The following CACNA2D4 variants were observed in gnomAD, a reference collection of about 807,000 sequenced individuals.
CACNA2D4 encodes the protein calcium voltage-gated channel auxiliary subunit alpha2delta 4, also known as voltage-dependent calcium channel subunit alpha-2/delta-4.
CACNA2D4 carries 157 observed loss-of-function variants against 163.8 expected under a neutral mutation model. The ratio of observed to expected loss-of-function variants is 0.96; its 90% CI spans 0.84 to 1.09. CACNA2D4 has a LOEUF of 1.09. Among genes scored for constraint, CACNA2D4 ranks in the 50% least tolerant of loss-of-function variants. The probability of loss-of-function intolerance (pLI) is 0.00; values close to 1 mark genes in which losing one functional copy is unlikely to be tolerated. For synonymous variants in CACNA2D4, 598 were observed against 586.9 expected (o/e 1.02, Z -0.27); for missense variants, 1,410 against 1,479.9 (o/e 0.95, Z 0.78).
rs573565912 is a variant in CACNA2D4 at position 1,882,993 on chromosome 12, G to A, written c.1359C>T (p.Tyr453=). 6.6e-4 allele frequency: 1,071 copies of A among 1,612,750 alleles called. 16 individuals carry two copies. In the South Asian group the frequency reaches 0.011, roughly 17 times the overall value. Residue 453 remains tyrosine (Y), a synonymous_variant, in exon 13 of 38, where the codon TAC becomes TAT. Transcript: ENST00000382722. Reference sequence around the variant, plus strand: ...TGTCCGCCAGCGTTGAGATCTGCGTGTAGTAGCCTGCGGTGGGGAAGGCCG... The same window carrying A: ...TGTCCGCCAGCGTTGAGATCTGCGTATAGTAGCCTGCGGTGGGGAAGGCCG... ...KWIACNNKGY[Y]TQISTLADTQ... is the part of the protein sequence containing the mutation.
Position 1,799,868 on chromosome 12 carries a change from G to T in CACNA2D4, c.2974+132C>A. The T allele has an allele frequency of 8.0e-7, 1 of 1,255,432 alleles. No individual in the cohort carries two copies. The highest frequency in any genetic ancestry group is 1.1e-6 in the Non-Finnish European group (1 of 885,096). The allele number at this position is 1,255,432 out of a possible 1,614,324, so 77.8% of individuals were successfully genotyped here. A position where few individuals can be genotyped will look rare whatever the true frequency, so the allele number is the denominator to read the frequency against. On this transcript the variant is annotated intron_variant, in intron 33 of 37. Transcript: ENST00000382722. The surrounding 1 kb of genome is among the most constrained non-coding windows in gnomAD (Gnocchi z 4.7). ...ATGTGATGAGAGAAGGCCACGCAGG[G>T]TGAGATGTGAACAACGATGCTTCAG...
At chr12:1,912,139 T>C (rs1866840508) in intron 3 of CACNA2D4, among the ~76,000 whole-genome samples, 1 of 152,222 alleles carries the variant, frequency 6.6e-6, no homozygotes, top group Non-Finnish European at 1.5e-5. Flanking sequence ...TCGCCTGCCC[T>C]ATCTGCCCCT....
chr12:1,793,949 AG>A (rs1468963861), intron 37 of CACNA2D4, among the ~76,000 whole-genome samples, 190 bp from the exon 38 acceptor site: 2 of 152,046 alleles, frequency 1.3e-5, no homozygotes, highest in Non-Finnish European at 2.9e-5. Flanking sequence ...TCAGCCTGGG[AG>A]GGGGGCACCG....
Position 1,918,406 on chromosome 12 carries a change from T to C in CACNA2D4, c.68A>G (p.Asn23Ser), listed in dbSNP as rs961101307. Residue 23 changes from asparagine (N) to serine (S), a missense_variant, in exon 1 of 38, where the codon AAC (asparagine) becomes AGC (serine). Transcript: ENST00000382722. ...GCTGGAGCTGGGGTTTGCGAGGAAG[T>C]TGGGAGTTGCAGGCATGGTGGGCCT... is the stretch of plus-strand genomic sequence containing the variant. The part of the protein sequence containing the change: ...NPRPTMPATP[N>S]FLANPSSSSR... 6.3e-7 allele frequency: 1 copy of C among 1,598,192 alleles called. No homozygotes were observed. The highest frequency in any genetic ancestry group is 8.5e-7 in the Non-Finnish European group (1 of 1,172,836).
chr12:1,894,628 A>AAGAC (rs55769563), intron 6 of CACNA2D4, among the ~76,000 whole-genome samples: 139,313 of 152,062 alleles, frequency 0.92, 64,000 homozygotes, highest in East Asian at 1. Context: ...AAAAGAATGA[A>AAGAC]AATAACCATA....
chr12:1,846,459 C>T, intron 24 of CACNA2D4, 135 bp downstream of exon 24: 1 of 682,992 alleles, frequency 1.5e-6, no homozygotes, highest in Middle Eastern at 3.8e-4. Context: ...GATCCTTCTG[C>T]CCTGCTGGGC....
In CACNA2D4 at chr12:1,914,948, G is replaced by C. The variant is rs776845950; in HGVS notation, c.228-13C>G. 6.3e-7 allele frequency: 1 copy of C among 1,595,828 alleles called. No individual in the cohort carries two copies. The highest frequency in any genetic ancestry group is 1.7e-5 in the Admixed American group (1 of 60,000). ...CCATAGCTTCACTCTGCCAGGCAAT[G>C]AAAGGACACGCGTATACACACACGT... On this transcript the variant is annotated splice_polypyrimidine_tract_variant and intron_variant, in intron 1 of 37. Transcript: ENST00000382722.
rs1435617652 is a variant in CACNA2D4 at position 1,802,638 on chromosome 12, G to T, written c.2722-994C>A. On this transcript the variant is annotated intron_variant, in intron 29 of 37. Transcript: ENST00000382722. This position sits in a 1 kb window ranked among gnomAD's most constrained non-coding sequence, Gnocchi z 4.7. ...AATGTAGGCTGTCTTTAAAAATTGG[G>T]GATAGCGTGTGTCCGGCGTGTGGCT... 6.6e-6 allele frequency among the ~76,000 whole-genome samples: 1 copy of T among 152,208 alleles called. No individual in the cohort carries two copies. Among genetic ancestry groups the T allele is most frequent in the Non-Finnish European group, 1.5e-5 (1 of 68,034 alleles).
At position 1,800,374 on chromosome 12, in the gene CACNA2D4, A is replaced by AC; in HGVS notation, c.2921+11dup. 6.2e-7 allele frequency: 1 copy of AC among 1,612,910 alleles called. No homozygotes were observed. The highest frequency in any genetic ancestry group is 8.5e-7 in the Non-Finnish European group (1 of 1,179,488). ...GCAGCCCTCCACCAGCCCCGTGTCT[A>AC]CCCCCACTCACAGCACCAGCTCCTG... On this transcript the variant is annotated intron_variant, in intron 32 of 37. Transcript: ENST00000382722.
intron 18 of CACNA2D4, among the ~76,000 whole-genome samples, chr12:1,866,105 G>C (rs1865646532): frequency 6.6e-6 from 1 of 152,244 alleles, no homozygotes; most frequent in African/African-American, 2.4e-5. Context: ...TAGGGTGAGA[G>C]TGTTCAATAT....
rs1005983654 is a variant in CACNA2D4 at position 1,871,351 on chromosome 12, C to A, written c.1878+3253G>T. Among the ~76,000 whole-genome samples the A allele has an allele frequency of 6.1e-4, 70 of 114,656 alleles. 1 individual carries two copies. Among genetic ancestry groups the A allele is most frequent in the Non-Finnish European group, 1.9e-4 (11 of 58,010 alleles). The allele number at this position is 114,656 out of a possible 152,430, so 75.2% of individuals were successfully genotyped here. A position where few individuals can be genotyped will look rare whatever the true frequency, so the allele number is the denominator to read the frequency against. ...TGTGTGCATGTGTACACGTGTGTTG[C>A]TGGTGTGTGTACATGTGTGTGCTGC... is the stretch of plus-strand genomic sequence containing the variant. On this transcript the variant is annotated intron_variant, in intron 18 of 37. Coordinates refer to ENST00000382722, the MANE Select transcript of CACNA2D4 (RefSeq NM_172364.5).
At chr12:1,884,396 T>C in intron 11 of CACNA2D4, 75 bp from the exon 12 acceptor site, 1 of 1,211,002 alleles carries the variant, frequency 8.3e-7, no homozygotes, top group Non-Finnish European at 1.2e-6. Context: ...TTTATATGAG[T>C]CTTAGATGTT....
At position 1,856,341 on chromosome 12, in the gene CACNA2D4, GTTC is replaced by G. The variant is rs1255876033; in HGVS notation, c.2009-115_2009-113del. On this transcript the variant is annotated intron_variant, in intron 20 of 37. Transcript: ENST00000382722. ...TTTCTAAAGAAAGGGACTGGGGTCT[GTTC>G]TTTCTTGCTCTTAGCTCACAGTAGG... 4.4e-6 allele frequency: 5 copies of G among 1,136,956 alleles called. No individual in the cohort carries two copies. In the East Asian group the frequency reaches 1.2e-4, roughly 27 times the overall value. The allele number at this position is 1,136,956 out of a possible 1,614,324, so 70.4% of individuals were successfully genotyped here.
chr12:1,892,113 C>T (rs1866300833), intron 6 of CACNA2D4, among the ~76,000 whole-genome samples: 1 of 152,218 alleles, frequency 6.6e-6, no homozygotes, highest in Admixed American at 6.5e-5. Context: ...ACATTGTAGT[C>T]AAACTGTAAA....
chr12:1,844,483 G>T lies in CACNA2D4; in HGVS notation c.2389C>A (p.Arg797Ser), dbSNP rs777004690. The change falls in exon 25 of 38, where the codon CGC (arginine) becomes AGC (serine). Residue 797 changes from arginine to serine, a missense_variant. Physicochemically the swap from Arg to Ser is moderately radical, Grantham distance 110. Coordinates refer to ENST00000382722, the MANE Select transcript of CACNA2D4 (RefSeq NM_172364.5). This position sits in a 1 kb window ranked among gnomAD's most constrained non-coding sequence, Gnocchi z 4.2. ...GCCTGGCGGTACCACAGCGGGAAGC[G>T]GTCCAGGGTGAACACGCTGGCCTCG... ...EDEASVFTLD[R>S]FPLWYRQASE... 9.9e-6 allele frequency: 16 copies of T among 1,613,472 alleles called. No homozygotes were observed. The highest frequency in any genetic ancestry group is 2.2e-5 in the East Asian group (1 of 44,868).
In CACNA2D4 at chr12:1,875,124, G is replaced by T. The variant is rs1445618695; in HGVS notation, c.1806+127C>A. ...TTGCTTGTGGCTTGAGCTTGGAAAG[G>T]CTCTGGGATGAACCTGTTCTGCCTG... is the stretch of plus-strand genomic sequence containing the variant. On this transcript the variant is annotated intron_variant, in intron 17 of 37. Coordinates refer to ENST00000382722, the MANE Select transcript of CACNA2D4 (RefSeq NM_172364.5). This position sits in a 1 kb window ranked among gnomAD's most constrained non-coding sequence, Gnocchi z 4.0. 2 of 685,926 alleles carry T rather than the reference G, an allele frequency of 2.9e-6. No individual in the cohort carries two copies. Among genetic ancestry groups the T allele is most frequent in the Non-Finnish European group, 2.7e-6 (1 of 376,534 alleles). The allele number at this position is 685,926 out of a possible 1,614,324, so 42.5% of individuals were successfully genotyped here.
At position 1,909,933 on chromosome 12, in the gene CACNA2D4, C is replaced by T. The variant is rs986914184; in HGVS notation, c.459G>A (p.Leu153=). 1 of 1,613,832 alleles carries T rather than the reference C, an allele frequency of 6.2e-7. No individual in the cohort carries two copies. The highest frequency in any genetic ancestry group is 8.5e-7 in the Non-Finnish European group (1 of 1,179,814). Residue 153 remains leucine (L), a synonymous_variant, in exon 4 of 38, where the codon CTG becomes CTA. Transcript: ENST00000382722. ...NLVEAAEEAD[L]NHEFNESLVF... ...CCAGGGATTCATTGAATTCGTGGTT[C>T]AGGTCGGCCTCCTCGGCAGCTTCCA...
intron 3 of CACNA2D4, among the ~76,000 whole-genome samples, chr12:1,912,414 C>T (rs1299984708): frequency 6.6e-6 from 1 of 152,236 alleles, no homozygotes; most frequent in African/African-American, 2.4e-5. Context: ...CTCCTGGGCC[C>T]CACCAGGCTT....
At chr12:1,863,875 C>G (rs1162083183) in intron 18 of CACNA2D4, among the ~76,000 whole-genome samples, 5 of 144,766 alleles carry the variant, frequency 3.5e-5, no homozygotes, top group African/African-American at 1.3e-4. Flanking sequence ...TGAATGTCAA[C>G]AGAAGACTGA....
Sources: gnomAD v4.1 joint callset for allele counts (sites outside exome capture counted in the v4.1 genomes callset) on GRCh38, gnomAD v4.1.1 for gene constraint, Gnocchi (gnomAD v3.1) non-coding constraint, MANE v1.5 for transcripts, NCBI Gene and HGNC (gene_info 2026-07-23, HGNC 2026-07-21) for gene names.